TJAP1: variants seen among roughly 807,000 people sequenced by gnomAD.
TJAP1 encodes the protein tight junction-associated protein 1.
Under a neutral mutation model 42.0 loss-of-function variants are expected in TJAP1, and 27 were observed. The observed-to-expected ratio is 0.64, with a 90% CI of 0.47 to 0.89. The LOEUF is 0.89. Ranked by LOEUF, TJAP1 falls within the 40% of genes least tolerant of loss-of-function variation. The pLI, the probability that TJAP1 is intolerant of heterozygous loss-of-function variation, is 0.00. For missense variants in TJAP1, 712 were observed against 726.9 expected, an observed-to-expected ratio of 0.98 and a Z score of 0.24; for synonymous variants, 257 against 288.4, an observed-to-expected ratio of 0.89 and a Z score of 1.10.
At chr6:43,500,002 G>C (rs1790155802) in intron 4 of TJAP1, among the ~76,000 whole-genome samples, 1 of 152,204 alleles carries the variant, frequency 6.6e-6, no homozygotes, top group East Asian at 1.9e-4. Flanking sequence ...GTGAAATCCA[G>C]TTGTCAGAGT....
intron 4 of TJAP1, 198 bp from the exon 5 acceptor site, chr6:43,500,546 G>T: frequency 1.7e-6 from 1 of 591,790 alleles, no homozygotes; most frequent in Non-Finnish European, 3.1e-6. Context: ...TGAATCTTCT[G>T]GTTGGCATGG....
At chr6:43,488,565 A>C (rs186842344) in intron 2 of TJAP1, among the ~76,000 whole-genome samples, 1 of 152,220 alleles carries the variant, frequency 6.6e-6, no homozygotes, top group Non-Finnish European at 1.5e-5. Flanking sequence ...GGAAAAGAGA[A>C]AAATTATCTG....
chr6:43,503,732 C>A, intron 10 of TJAP1, 26 bp downstream of exon 10: 1 of 1,597,066 alleles, frequency 6.3e-7, no homozygotes, highest in Non-Finnish European at 8.6e-7. Context: ...CCCCTCCCTG[C>A]CCACATAGAC....
intron 2 of TJAP1, chr6:43,496,974 A>C (rs1394254723): frequency 6.6e-6 from 1 of 152,018 alleles, no homozygotes; most frequent in Non-Finnish European, 1.5e-5. Flanking sequence ...GAACTGAGCT[A>C]TCCAGTGAGG....
intron 7 of TJAP1, 74 bp downstream of exon 7, chr6:43,502,423 A>G: frequency 3.2e-6 from 5 of 1,559,164 alleles, no homozygotes; most frequent in Non-Finnish European, 4.4e-6. Flanking sequence ...TTGCCAGGGG[A>G]ATGCCACTCT....
chr6:43,503,796 C>T (rs1159820298), intron 10 of TJAP1, 90 bp downstream of exon 10: 7 of 1,157,602 alleles, frequency 6.0e-6, no homozygotes, highest in Admixed American at 1.8e-5. Context: ...CTCTCTCTGT[C>T]CTCCTCTTCC....
At chr6:43,496,207 C>T (rs949961515) in intron 2 of TJAP1, among the ~76,000 whole-genome samples, 4 of 152,096 alleles carry the variant, frequency 2.6e-5, no homozygotes, top group African/African-American at 9.7e-5. Context: ...CTCACTCTTC[C>T]ATCTCTGGCC....
At chr6:43,480,317 A>AT (rs907150514) in intron 2 of TJAP1, among the ~76,000 whole-genome samples, 2 of 152,138 alleles carry the variant, frequency 1.3e-5, no homozygotes, top group African/African-American at 4.8e-5. Context: ...GATAATACAG[A>AT]TTTTTTTGTC....
chr6:43,502,503 A>C, intron 7 of TJAP1, 85 bp from the exon 8 acceptor site: 1 of 1,526,456 alleles, frequency 6.6e-7, no homozygotes, highest in Non-Finnish European at 8.9e-7. Context: ...CTGCAAGTCA[A>C]GACTGTCTTA....
Position 43,505,490 on chromosome 6 carries a change from G to A in TJAP1, c.1309G>A (p.Asp437Asn), listed in dbSNP as rs142853495. Residue 437 changes from aspartate to asparagine, a missense_variant, in exon 11 of 11, where the codon GAT (aspartate) becomes AAT (asparagine). By Grantham distance (23) the Asp-to-Asn change is conservative. Around this residue, in one of 3 missense-constraint regions of TJAP1, gnomAD observed 549 missense variants for 528.2 expected, o/e 1.04. Transcript: ENST00000372449. The surrounding 1 kb of genome is among the most constrained non-coding windows in gnomAD (Gnocchi z 5.5). ...GGCCCAGCGCACAGCCTTTGGACGC[G>A]ATGCCCTCCCTGAGCTGCAGCGCCA... The A allele has an allele frequency of 2.0e-5, 32 of 1,613,726 alleles. No homozygotes were observed. The highest frequency in any genetic ancestry group is 2.6e-5 in the Non-Finnish European group (31 of 1,180,022).
rs114121419 is a variant in TJAP1 at position 43,491,183 on chromosome 6, G to T, written c.-121-6698G>T. ...GGAGAGGGTGTGTTATGGGCCCGGA[G>T]CGAGGAGGATAGCACTCCTGAGCGG... On this transcript the variant is annotated intron_variant, in intron 2 of 10. Coordinates refer to ENST00000372449, the Ensembl canonical transcript of TJAP1. The surrounding 1 kb of genome is among the most constrained non-coding windows in gnomAD (Gnocchi z 4.6). Among the ~76,000 whole-genome samples, 1,073 of 152,182 alleles carry T rather than the reference G, an allele frequency of 7.1e-3. 13 individuals are homozygous for T. The highest frequency in any genetic ancestry group is 0.025 in the African/African-American group (1,038 of 41,492).
rs1561839834 is a variant in TJAP1, at chr6:43,505,515, A to AT, written c.1338dup (p.Ala447CysfsTer3). The AT allele has an allele frequency of 6.2e-7, 1 of 1,613,874 alleles. No individual in the cohort carries two copies. The highest frequency in any genetic ancestry group is 8.5e-7 in the Non-Finnish European group (1 of 1,180,014). On this transcript the variant is annotated frameshift_variant, in exon 11 of 11. Transcript: ENST00000372449. LOFTEE classifies it low-confidence loss of function (END_TRUNC). This position sits in a 1 kb window ranked among gnomAD's most constrained non-coding sequence, Gnocchi z 5.5. The stretch of plus-strand genomic sequence containing the variant: ...GATGCCCTCCCTGAGCTGCAGCGCC[A>AT]TTTTGCCCATAGCCCCGCTGACAGA...
intron 2 of TJAP1, among the ~76,000 whole-genome samples, chr6:43,487,141 A>G (rs1040330726): frequency 2.6e-5 from 4 of 152,186 alleles, no homozygotes; most frequent in South Asian, 4.2e-4. Flanking sequence ...TCTTGTGCCA[A>G]TTGTGTGCTA....
At chr6:43,501,287 TG>T in intron 5 of TJAP1, 1 of 531,870 alleles carries the variant, frequency 1.9e-6, no homozygotes, top group Non-Finnish European at 3.3e-6. Flanking sequence ...GAAGGGAGGC[TG>T]GACTGTCCCC....
At chr6:43,481,023 G>A (rs1345818574) in intron 2 of TJAP1, among the ~76,000 whole-genome samples, 1 of 152,040 alleles carries the variant, frequency 6.6e-6, no homozygotes, top group African/African-American at 2.4e-5. Context: ...TTAAATATGC[G>A]TAGTGGCAAT....
At chr6:43,490,283 C>G (rs1373461803) in intron 2 of TJAP1, among the ~76,000 whole-genome samples, 1 of 152,218 alleles carries the variant, frequency 6.6e-6, no homozygotes, top group Admixed American at 6.5e-5. Context: ...CCACCGTCAC[C>G]CTTCCCCGAG....
At position 43,505,921 on chromosome 6, in the gene TJAP1, T is replaced by C; in HGVS notation, c.*66T>C. ...CAAGGAGTCCCCACACCTTGGCAGC[T>C]CAGGGTCCCCAGTCCAAGCCCTTGA... is the stretch of plus-strand genomic sequence containing the variant. On this transcript the variant is annotated 3_prime_UTR_variant, in exon 11 of 11. Transcript: ENST00000372449. The surrounding 1 kb of genome is among the most constrained non-coding windows in gnomAD (Gnocchi z 5.5). 7.1e-7 allele frequency: 1 copy of C among 1,413,684 alleles called. No individual in the cohort carries two copies. The highest frequency in any genetic ancestry group is 9.2e-7 in the Non-Finnish European group (1 of 1,086,294). 87.6% of individuals were successfully genotyped at this position (1,413,684 alleles called of 1,614,324 possible).
At chr6:43,479,567 G>T (rs892003701) in intron 2 of TJAP1, among the ~76,000 whole-genome samples, 3 of 152,192 alleles carry the variant, frequency 2.0e-5, no homozygotes, top group Non-Finnish European at 4.4e-5. Context: ...TGAGATGGGA[G>T]GAGCACTTGA....
intron 5 of TJAP1, chr6:43,501,069 A>C: frequency 2.1e-6 from 1 of 477,778 alleles, no homozygotes; most frequent in Non-Finnish European, 3.8e-6. Flanking sequence ...ACCAGCTGCC[A>C]CCCTTACAGC....
Sources: gnomAD v4.1 joint callset for allele counts (sites outside exome capture counted in the v4.1 genomes callset) on GRCh38, gnomAD v4.1.1 for gene constraint, gnomAD v4.1.1 regional missense constraint, Gnocchi (gnomAD v3.1) non-coding constraint, MANE v1.5 for transcripts, NCBI Gene and HGNC (gene_info 2026-07-23, HGNC 2026-07-21) for gene names.